ZFR: variants seen among roughly 807,000 people sequenced by gnomAD.
ZFR encodes the protein zinc finger RNA-binding protein.
Under a neutral mutation model 130.7 loss-of-function variants are expected in ZFR, and 19 were observed. That is an observed-to-expected ratio of 0.15 (90% confidence interval 0.10 to 0.21). The LOEUF is 0.21. Ranked by LOEUF, ZFR falls within the 10% of genes least tolerant of loss-of-function variation. ZFR has a pLI of 1.00. For missense variants in ZFR, 872 were observed against 1,321.5 expected (o/e 0.66, Z 5.27); for synonymous variants, 466 against 456.9 (o/e 1.02, Z -0.25).
intron 2 of ZFR, among the ~76,000 whole-genome samples, chr5:32,444,012 C>A (rs971790799): frequency 2.0e-5 from 3 of 150,734 alleles, no homozygotes; most frequent in Admixed American, 6.6e-5. Context: ...CTACCTCCCC[C>A]CTACTGGGGG....
chr5:32,399,135 G>A (rs1215459131), intron 9 of ZFR, among the ~76,000 whole-genome samples: 2 of 151,724 alleles, frequency 1.3e-5, no homozygotes, highest in Non-Finnish European at 2.9e-5. Context: ...ATCAGCTGGG[G>A]GTGGTGGCAT....
At chr5:32,420,346 G>C (rs1302450750) in intron 2 of ZFR, among the ~76,000 whole-genome samples, 1 of 150,376 alleles carries the variant, frequency 6.6e-6, no homozygotes, top group East Asian at 1.9e-4. Context: ...ACATTATATA[G>C]TCACACGTTT....
At chr5:32,415,503 TGTGTGTGTGTGTGC>T (rs1242510957) in intron 4 of ZFR, among the ~76,000 whole-genome samples, 1 of 115,560 alleles carries the variant, frequency 8.7e-6, no homozygotes, top group Non-Finnish European at 1.9e-5. Context: ...TGTGTGTGTG[TGTGTGTGTGTGTGC>T]GCGCGCGCGC....
At chr5:32,427,311 G>A (rs142081266) in intron 2 of ZFR, among the ~76,000 whole-genome samples, 60 of 147,550 alleles carry the variant, frequency 4.1e-4, no homozygotes, top group African/African-American at 1.5e-3. Flanking sequence ...CCTGAGCCCA[G>A]GAGGTCAGGG....
intron 2 of ZFR, among the ~76,000 whole-genome samples, chr5:32,426,505 T>A (rs536110634): frequency 6.6e-6 from 1 of 152,296 alleles, no homozygotes; most frequent in South Asian, 2.1e-4. Flanking sequence ...TGAAAGCTTT[T>A]CCTCTAAGAT....
intron 11 of ZFR, among the ~76,000 whole-genome samples, chr5:32,390,700 G>A (rs922895295): frequency 2.0e-4 from 30 of 152,192 alleles, no homozygotes; most frequent in African/African-American, 6.5e-4. Context: ...CCTCTCTCCT[G>A]CTTTAAGTAT....
chr5:32,422,652 T>C (rs991429371), intron 2 of ZFR, among the ~76,000 whole-genome samples: 1 of 151,666 alleles, frequency 6.6e-6, no homozygotes, highest in Non-Finnish European at 1.5e-5. Flanking sequence ...TTTTAAAAAT[T>C]AGCCACACAT....
intron 10 of ZFR, among the ~76,000 whole-genome samples, chr5:32,396,872 T>C (rs1753325948): frequency 6.6e-6 from 1 of 152,242 alleles, no homozygotes; most frequent in Non-Finnish European, 1.5e-5. Flanking sequence ...AAAGTTCATT[T>C]TGGTGGGAAT....
chr5:32,406,837 C>T lies in ZFR; in HGVS notation c.969G>A (p.Gln323=), dbSNP rs1256473555. The T allele has an allele frequency of 1.2e-6, 2 of 1,613,884 alleles. No homozygotes were observed. The highest frequency in any genetic ancestry group is 2.7e-5 in the African/African-American group (2 of 74,872). The change falls in exon 6 of 20, where the codon CAG becomes CAA. Residue 323 remains glutamine (Q), a synonymous_variant. Coordinates refer to ENST00000265069, the MANE Select transcript of ZFR (RefSeq NM_016107.5). The part of the protein sequence containing the change: ...PFQNKQLKPK[Q]PPKPPQIHYC... Reference sequence around the variant, plus strand: ...AGTGAATCTGTGGTGGTTTGGGAGGCTGTTTTGGTTTCAGTTGTTTATTTT... The same window carrying T: ...AGTGAATCTGTGGTGGTTTGGGAGGTTGTTTTGGTTTCAGTTGTTTATTTT...
At chr5:32,382,113 C>A (rs1409955865) in intron 15 of ZFR, among the ~76,000 whole-genome samples, 7 of 152,094 alleles carry the variant, frequency 4.6e-5, no homozygotes, top group Non-Finnish European at 8.8e-5. Context: ...ACCAGCCCGG[C>A]CAACATGGTG....
Position 32,397,356 on chromosome 5 carries a change from A to G in ZFR, c.1714-18T>C, listed in dbSNP as rs1299159142. On this transcript the variant is annotated intron_variant, in intron 9 of 19. Transcript: ENST00000265069. ...TTTCGTACCTTGGTGTGGAAAAAAA[A>G]TTCAAGAATCATCATAGTTGAAGAT... 1.2e-6 allele frequency: 2 copies of G among 1,607,482 alleles called. No individual in the cohort carries two copies. Among genetic ancestry groups the G allele is most frequent in the South Asian group, 2.2e-5 (2 of 89,222 alleles).
intron 5 of ZFR, among the ~76,000 whole-genome samples, chr5:32,409,762 AG>A (rs1753658385): frequency 6.6e-6 from 1 of 152,234 alleles, no homozygotes; most frequent in Non-Finnish European, 1.5e-5. Flanking sequence ...CGATGGATAC[AG>A]AGAGTGACTA....
At chr5:32,408,591 T>C (rs974339539) in intron 5 of ZFR, among the ~76,000 whole-genome samples, 2 of 152,226 alleles carry the variant, frequency 1.3e-5, no homozygotes, top group African/African-American at 4.8e-5. Context: ...ACAGTAAAAT[T>C]TAAACTATAC....
intron 2 of ZFR, among the ~76,000 whole-genome samples, chr5:32,434,160 C>T (rs187019032): frequency 3.3e-5 from 5 of 152,346 alleles, no homozygotes; most frequent in South Asian, 2.1e-4. Flanking sequence ...TATTATAAAA[C>T]GAAGTCCCTT....
At position 32,395,298 on chromosome 5, in the gene ZFR, C is replaced by T; in HGVS notation, c.1840G>A (p.Val614Ile). 1 of 1,577,936 alleles carries T rather than the reference C, an allele frequency of 6.3e-7. No individual in the cohort carries two copies. Among genetic ancestry groups the T allele is most frequent in the Non-Finnish European group, 8.6e-7 (1 of 1,167,552 alleles). Residue 614 changes from valine (V) to isoleucine (I), a missense_variant, in exon 11 of 20, where the codon GTA (valine) becomes ATA (isoleucine). Transcript: ENST00000265069. The part of the protein sequence containing the change: ...RRHRLQYKKK[V>I]NPDLQVEVKP... ...ACTTCTACTTGCAAATCTGGATTTA[C>T]TTTTTTCTATTAATATAAATAAGAC...
intron 5 of ZFR, among the ~76,000 whole-genome samples, chr5:32,410,905 T>C (rs1753692211): frequency 6.6e-6 from 1 of 152,224 alleles, no homozygotes; most frequent in Admixed American, 6.5e-5. Flanking sequence ...AGATACTTTA[T>C]AACTGTTCCA....
intron 2 of ZFR, among the ~76,000 whole-genome samples, chr5:32,432,654 G>C (rs1754250713): frequency 6.6e-6 from 1 of 151,964 alleles, no homozygotes; most frequent in South Asian, 2.1e-4. Flanking sequence ...ATGTTGTAAT[G>C]TCATGCTCCC....
intron 14 of ZFR, 56 bp from the exon 15 acceptor site, chr5:32,385,705 G>A: frequency 1.3e-6 from 2 of 1,590,056 alleles, no homozygotes; most frequent in South Asian, 1.1e-5. Context: ...ACAAACAAAA[G>A]CACTTTCATT....
intron 2 of ZFR, among the ~76,000 whole-genome samples, chr5:32,429,974 C>A (rs997426910): frequency 1.3e-5 from 2 of 149,520 alleles, no homozygotes; most frequent in African/African-American, 2.5e-5. Context: ...AGGAGGACTG[C>A]TTGAACCCAG....
Sources: gnomAD v4.1 joint callset for allele counts (sites outside exome capture counted in the v4.1 genomes callset) on GRCh38, gnomAD v4.1.1 for gene constraint, MANE v1.5 for transcripts, NCBI Gene and HGNC (gene_info 2026-07-23, HGNC 2026-07-21) for gene names.